Variants in PLA2G4A observed in about 807,000 individuals in gnomAD.
PLA2G4A encodes cytosolic phospholipase A2.
In PLA2G4A, 40 loss-of-function variants were observed where a neutral mutation model predicts 81.9. That is an observed-to-expected ratio of 0.49 (90% CI 0.38 to 0.64). The LOEUF is 0.64. Among genes scored for constraint, PLA2G4A ranks in the 30% least tolerant of loss-of-function variants. The probability of loss-of-function intolerance (pLI) is 0.00; values close to 1 mark genes in which losing one functional copy is unlikely to be tolerated. For synonymous variants in PLA2G4A, 302 were observed against 296.9 expected, an observed-to-expected ratio of 1.02 and a Z score of -0.18; for missense variants, 715 against 905.1, an observed-to-expected ratio of 0.79 and a Z score of 2.69.
intron 7 of PLA2G4A, among the ~76,000 whole-genome samples, chr1:186,930,729 T>C (rs1655712854): frequency 6.6e-6 from 1 of 152,190 alleles, no homozygotes; most frequent in African/African-American, 2.4e-5. Context: ...ACAACCTATC[T>C]TTTACAGTAT....
At chr1:186,987,180 T>C (rs1231108194) in intron 17 of PLA2G4A, among the ~76,000 whole-genome samples, 1 of 152,194 alleles carries the variant, frequency 6.6e-6, no homozygotes, top group Non-Finnish European at 1.5e-5. Flanking sequence ...CTCACATGTT[T>C]AAGTGGTGCA....
chr1:186,987,405 T>C (rs147594000), intron 17 of PLA2G4A, among the ~76,000 whole-genome samples: 32 of 152,356 alleles, frequency 2.1e-4, no homozygotes, highest in Non-Finnish European at 4.0e-4. Context: ...TAATGTTGCT[T>C]AACAATCCCT....
At chr1:186,962,194 T>A (rs1656970087) in intron 14 of PLA2G4A, among the ~76,000 whole-genome samples, 1 of 152,184 alleles carries the variant, frequency 6.6e-6, no homozygotes, top group South Asian at 2.1e-4. Flanking sequence ...TGTTCTCTTT[T>A]ATCTTTACTG....
At chr1:186,946,588 C>T (rs778950514) in intron 10 of PLA2G4A, 49 bp from the exon 11 acceptor site, 3 of 1,280,068 alleles carry the variant, frequency 2.3e-6, no homozygotes, top group Non-Finnish European at 3.4e-6. Context: ...CACACCATGC[C>T]ATAGCATTTT....
intron 3 of PLA2G4A, among the ~76,000 whole-genome samples, chr1:186,882,739 C>T (rs2102084769): frequency 6.6e-6 from 1 of 152,130 alleles, no homozygotes; most frequent in South Asian, 2.1e-4. Flanking sequence ...TGAGAATAAG[C>T]AACTAAGAGA....
chr1:186,869,839 T>G (rs1234131714), intron 2 of PLA2G4A, among the ~76,000 whole-genome samples: 1 of 152,248 alleles, frequency 6.6e-6, no homozygotes, highest in African/African-American at 2.4e-5. Flanking sequence ...AGGTGAAGTG[T>G]CTAATGAAGT....
intron 7 of PLA2G4A, among the ~76,000 whole-genome samples, chr1:186,931,215 C>T (rs912014110): frequency 2.0e-5 from 3 of 152,090 alleles, no homozygotes; most frequent in Non-Finnish European, 1.5e-5. Flanking sequence ...AACCCATATA[C>T]ATCTATATAA....
chr1:186,854,210 C>T (rs997583545), intron 1 of PLA2G4A, 76 bp from the exon 2 acceptor site: 6 of 630,160 alleles, frequency 9.5e-6, no homozygotes, highest in Admixed American at 2.6e-5. Flanking sequence ...CTTCCTAAGA[C>T]GCATACTCAT....
chr1:186,953,519 C>T (rs952669359), intron 13 of PLA2G4A, among the ~76,000 whole-genome samples: 1 of 151,864 alleles, frequency 6.6e-6, no homozygotes, highest in Non-Finnish European at 1.5e-5. Context: ...GTGGGTTATC[C>T]TTTTATTCTC....
chr1:186,901,813 T>G (rs1654549243), intron 5 of PLA2G4A, among the ~76,000 whole-genome samples: 2 of 152,188 alleles, frequency 1.3e-5, no homozygotes, highest in Admixed American at 1.3e-4. Flanking sequence ...GTCTTTCAAG[T>G]CTGTTAAGAA....
intron 2 of PLA2G4A, among the ~76,000 whole-genome samples, chr1:186,857,625 C>A (rs1008990068): frequency 2.0e-5 from 3 of 146,594 alleles, no homozygotes; most frequent in South Asian, 4.2e-4. Context: ...TAAAATTAAA[C>A]TTTAAGTTCT....
At chr1:186,922,288 G>A (rs954653403) in intron 7 of PLA2G4A, among the ~76,000 whole-genome samples, 3 of 152,278 alleles carry the variant, frequency 2.0e-5, no homozygotes, top group African/African-American at 7.2e-5. Context: ...CAGACCCAAA[G>A]TATCAAGCAA....
At chr1:186,910,006 ATAAG>A (rs1179732711) in intron 6 of PLA2G4A, among the ~76,000 whole-genome samples, 1 of 152,150 alleles carries the variant, frequency 6.6e-6, no homozygotes, top group African/African-American at 2.4e-5. Flanking sequence ...GGACTAGAAA[ATAAG>A]TATTTAAAAT....
chr1:186,912,778 G>GTATATTTATATATACATATA (rs1655003859), intron 7 of PLA2G4A, among the ~76,000 whole-genome samples: 1 of 113,610 alleles, frequency 8.8e-6, no homozygotes, highest in Admixed American at 8.6e-5. Flanking sequence ...ATATATATAT[G>GTATATTTATATATACATATA]TATACTTATA....
chr1:186,962,799 G>T (rs1001416752), intron 14 of PLA2G4A, among the ~76,000 whole-genome samples: 1 of 149,632 alleles, frequency 6.7e-6, no homozygotes, highest in Non-Finnish European at 1.5e-5. Context: ...GGATTAACAG[G>T]CGTGAGCCAC....
chr1:186,850,924 A>C (rs1652350697), intron 1 of PLA2G4A, among the ~76,000 whole-genome samples: 1 of 152,232 alleles, frequency 6.6e-6, no homozygotes, highest in African/African-American at 2.4e-5. Context: ...TCACAACAAT[A>C]ATTACTACAG....
At position 186,956,288 on chromosome 1, in the gene PLA2G4A, G is replaced by C; in HGVS notation, c.1523G>C (p.Ser508Thr). 2 of 1,613,906 alleles carry C rather than the reference G, an allele frequency of 1.2e-6. No individual in the cohort carries two copies. The highest frequency in any genetic ancestry group is 1.1e-5 in the South Asian group (1 of 91,072). The part of the protein sequence containing the change: ...LNTSYPLSPL[S>T]DFATQDSFDD... ...ACATCTTATCCACTGTCTCCTTTGA[G>C]TGACTTTGCCACACAGGACTCCTTT... Residue 508 changes from serine (S) to threonine (T), a missense_variant, in exon 14 of 18, where the codon AGT becomes ACT. By Grantham distance (58) the Ser-to-Thr change is moderately conservative. Transcript: ENST00000367466.
At chr1:186,843,853 C>T (rs929869117) in intron 1 of PLA2G4A, among the ~76,000 whole-genome samples, 1 of 152,168 alleles carries the variant, frequency 6.6e-6, no homozygotes, top group Admixed American at 6.5e-5. Flanking sequence ...TCTCTGAAGC[C>T]GTTTCTACTT....
intron 3 of PLA2G4A, among the ~76,000 whole-genome samples, chr1:186,887,581 C>T (rs1284497017): frequency 2.0e-5 from 3 of 152,046 alleles, no homozygotes; most frequent in Non-Finnish European, 4.4e-5. Flanking sequence ...TTTTTGCCCA[C>T]ATATTACATC....
Sources: allele counts gnomAD v4.1 joint callset (sites outside exome capture counted in the v4.1 genomes callset), GRCh38; gene constraint gnomAD v4.1.1; transcripts MANE v1.5; gene names NCBI Gene and HGNC (gene_info 2026-07-23, HGNC 2026-07-21).